NEBL: variants seen among roughly 807,000 people sequenced by gnomAD.
The protein encoded by NEBL is nebulette, also known as LIM and SH3 protein 2.
A neutral mutation model predicts 140.2 loss-of-function variants in NEBL; 122 were observed. That is an observed-to-expected ratio of 0.87 (90% confidence interval 0.75 to 1.01). The LOEUF is 1.01. Among genes scored for constraint, NEBL ranks in the 50% least tolerant of loss-of-function variants. The pLI is 0.00. For missense variants in NEBL, 1,365 were observed against 1,231.3 expected (o/e 1.11, Z -1.62); for synonymous variants, 436 against 398.9 (o/e 1.09, Z -1.11).
At chr10:20,954,675 C>T (rs1397725407) in intron 4 of NEBL, among the ~76,000 whole-genome samples, 2 of 152,176 alleles carry the variant, frequency 1.3e-5, no homozygotes, top group African/African-American at 4.8e-5. Context: ...GTTCGAATTC[C>T]AGGTTTCACA....
intron 3 of NEBL, among the ~76,000 whole-genome samples, chr10:21,011,310 C>T (rs138777383): frequency 0.017 from 2,545 of 152,254 alleles, 81 homozygotes; most frequent in African/African-American, 0.059. Flanking sequence ...ACGATGTACT[C>T]GTATTCTGAT....
At chr10:20,801,096 G>C (rs1837077490) in intron 26 of NEBL, among the ~76,000 whole-genome samples, 1 of 152,104 alleles carries the variant, frequency 6.6e-6, no homozygotes, top group African/African-American at 2.4e-5. Context: ...ACTATACCAA[G>C]TTGCCAACGT....
At chr10:20,913,272 C>G (rs553572498) in intron 4 of NEBL, among the ~76,000 whole-genome samples, 1 of 152,274 alleles carries the variant, frequency 6.6e-6, no homozygotes, top group East Asian at 1.9e-4. Flanking sequence ...AAGGCACCTG[C>G]TGAAGAAAAG....
intron 3 of NEBL, among the ~76,000 whole-genome samples, chr10:21,188,666 T>C (rs917879469): frequency 6.8e-6 from 1 of 147,774 alleles, no homozygotes; most frequent in African/African-American, 2.5e-5. Context: ...AATGGCACAA[T>C]TCCAGCTCAC....
At chr10:21,233,887 A>G (rs1322302643) in intron 3 of NEBL, among the ~76,000 whole-genome samples, 1 of 144,846 alleles carries the variant, frequency 6.9e-6, no homozygotes, top group Admixed American at 7.1e-5. Context: ...GCATATATAG[A>G]TATATATTAC....
chr10:20,885,178 G>T (rs1163434341), intron 4 of NEBL, among the ~76,000 whole-genome samples: 1 of 152,172 alleles, frequency 6.6e-6, no homozygotes, highest in Non-Finnish European at 1.5e-5. Flanking sequence ...TCACAAATCT[G>T]ATACTATTTG....
chr10:20,973,825 T>C (rs1291641481), intron 3 of NEBL, among the ~76,000 whole-genome samples: 2 of 152,216 alleles, frequency 1.3e-5, no homozygotes, highest in African/African-American at 2.4e-5. Flanking sequence ...CATCAAACTT[T>C]AGAACTATCA....
At chr10:20,918,634 G>T (rs560090643) in intron 4 of NEBL, among the ~76,000 whole-genome samples, 14 of 151,888 alleles carry the variant, frequency 9.2e-5, no homozygotes, top group Non-Finnish European at 1.9e-4. Context: ...GCAGATCAAG[G>T]TCAGGAGATC....
intron 4 of NEBL, among the ~76,000 whole-genome samples, chr10:20,932,959 T>C (rs990207631): frequency 4.6e-5 from 7 of 152,204 alleles, no homozygotes; most frequent in African/African-American, 7.2e-5. Flanking sequence ...GTACAAATGC[T>C]TGCATGCAGA....
chr10:21,027,234 C>T (rs140407263), intron 2 of NEBL, among the ~76,000 whole-genome samples: 320 of 151,980 alleles, frequency 2.1e-3, no homozygotes, highest in African/African-American at 7.4e-3. Flanking sequence ...CAGCACAGGC[C>T]CCTTTGTGCG....
chr10:21,279,122 C>G (rs2132296234), intron 1 of NEBL, among the ~76,000 whole-genome samples: 1 of 152,320 alleles, frequency 6.6e-6, no homozygotes, highest in South Asian at 2.1e-4. Context: ...CATACCGTCT[C>G]TGTTGCATAG....
chr10:20,962,325 T>C (rs192463545), intron 3 of NEBL, among the ~76,000 whole-genome samples: 4 of 152,360 alleles, frequency 2.6e-5, no homozygotes, highest in Admixed American at 6.5e-5. Context: ...TTTATTCAAC[T>C]TCAGAAGGCC....
intron 1 of NEBL, among the ~76,000 whole-genome samples, chr10:21,256,595 C>T (rs1264402649): frequency 6.6e-6 from 1 of 152,114 alleles, no homozygotes; most frequent in Non-Finnish European, 1.5e-5. Flanking sequence ...CTTTGGGAGG[C>T]TAGGATGGGA....
At chr10:21,239,568 C>G (rs1000806516) in intron 3 of NEBL, among the ~76,000 whole-genome samples, 1 of 152,102 alleles carries the variant, frequency 6.6e-6, no homozygotes, top group African/African-American at 2.4e-5. Flanking sequence ...CCTAAAAGCT[C>G]TGGGAGGTCT....
At chr10:21,190,634 CTT>C (rs1841556636) in intron 3 of NEBL, among the ~76,000 whole-genome samples, 1 of 152,144 alleles carries the variant, frequency 6.6e-6, no homozygotes, top group Non-Finnish European at 1.5e-5. Context: ...CAATTAATCT[CTT>C]AATGCAACTT....
intron 3 of NEBL, among the ~76,000 whole-genome samples, chr10:21,225,243 A>G (rs1842128725): frequency 6.6e-6 from 1 of 152,090 alleles, no homozygotes; most frequent in South Asian, 2.1e-4. Context: ...TCCCAAACTG[A>G]GTCTCTCTGT....
At chr10:21,282,465 G>A (rs956671937) in intron 1 of NEBL, among the ~76,000 whole-genome samples, 6 of 152,112 alleles carry the variant, frequency 3.9e-5, no homozygotes, top group South Asian at 2.1e-4. Context: ...CAGGAAGGAC[G>A]AAGTCATACC....
At chr10:20,828,432 C>A in intron 17 of NEBL, 98 bp downstream of exon 17, 2 of 773,446 alleles carry the variant, frequency 2.6e-6, no homozygotes, top group Admixed American at 3.9e-5. Context: ...GAAAATTCAA[C>A]TAAGACAGCA....
At chr10:21,176,087 C>T (rs942313237), upstream of NEBL, among the ~76,000 whole-genome samples, 2 of 152,048 alleles carry the variant, frequency 1.3e-5, no homozygotes, top group African/African-American at 2.4e-5. Context: ...GTGGCAGCCT[C>T]GACCTCCCAG....
Sources: allele counts gnomAD v4.1 joint callset (sites outside exome capture counted in the v4.1 genomes callset), GRCh38; gene constraint gnomAD v4.1.1; transcripts MANE v1.5; gene names NCBI Gene and HGNC (gene_info 2026-07-23, HGNC 2026-07-21).